Variants in CDH2 observed in about 807,000 individuals in gnomAD.
The protein encoded by CDH2 is cadherin 2.
CDH2 carries 17 observed loss-of-function variants against 92.0 expected under a neutral mutation model. The observed-to-expected ratio is 0.18, with a 90% CI of 0.13 to 0.28. The LOEUF is 0.28. CDH2 is among the 10% of genes least tolerant of loss of function. CDH2 has a pLI of 1.00. For missense variants in CDH2, 862 were observed against 1,133.1 expected, an observed-to-expected ratio of 0.76 and a Z score of 3.44; for synonymous variants, 419 against 415.9, an observed-to-expected ratio of 1.01 and a Z score of -0.09.
intron 5 of CDH2, among the ~76,000 whole-genome samples, chr18:28,007,629 T>C (rs144586398): frequency 4.6e-5 from 7 of 152,362 alleles, no homozygotes; most frequent in African/African-American, 1.7e-4. Context: ...AGATTCTTAA[T>C]ACTAAAACAA....
At chr18:28,127,032 G>A (rs1420265262) in intron 2 of CDH2, among the ~76,000 whole-genome samples, 1 of 152,088 alleles carries the variant, frequency 6.6e-6, no homozygotes, top group African/African-American at 2.4e-5. Context: ...CCAGGCAGGT[G>A]GACTTCCTCC....
chr18:28,171,802 A>G (rs541513611), intron 1 of CDH2, among the ~76,000 whole-genome samples: 1 of 152,214 alleles, frequency 6.6e-6, no homozygotes, highest in South Asian at 2.1e-4. Context: ...CCAAGATTTT[A>G]TTGTTGAGGA....
chr18:28,044,999 T>C (rs528424227), intron 2 of CDH2, among the ~76,000 whole-genome samples: 3 of 152,206 alleles, frequency 2.0e-5, no homozygotes, highest in South Asian at 2.1e-4. Context: ...TAGATCTAAG[T>C]AGCTACATGA....
intron 7 of CDH2, among the ~76,000 whole-genome samples, chr18:28,001,394 A>T (rs988725131): frequency 6.6e-6 from 1 of 152,246 alleles, no homozygotes; most frequent in African/African-American, 2.4e-5. Context: ...TCTGTATCTC[A>T]CAATGACAAT....
intron 1 of CDH2, among the ~76,000 whole-genome samples, chr18:28,160,410 T>G (rs142666967): frequency 1.2e-4 from 18 of 152,142 alleles, no homozygotes; most frequent in African/African-American, 4.3e-4. Flanking sequence ...CAACATCTAC[T>G]GCCTAAAGAC....
intron 5 of CDH2, among the ~76,000 whole-genome samples, chr18:28,006,802 G>T (rs1331859356): frequency 2.0e-5 from 3 of 151,194 alleles, no homozygotes; most frequent in African/African-American, 7.3e-5. Context: ...AGAAAGAAGT[G>T]TACATAGGAA....
chr18:28,108,904 G>C (rs2015365723), intron 2 of CDH2, among the ~76,000 whole-genome samples: 1 of 152,002 alleles, frequency 6.6e-6, no homozygotes, highest in Non-Finnish European at 1.5e-5. Flanking sequence ...CCATTTACCT[G>C]GCAAATCATG....
intron 2 of CDH2, among the ~76,000 whole-genome samples, chr18:28,018,803 C>G (rs1334497004): frequency 6.6e-6 from 1 of 151,364 alleles, no homozygotes; most frequent in Non-Finnish European, 1.5e-5. Context: ...TGTGATCCAG[C>G]AAATCCACTT....
chr18:28,004,990 G>A (rs1464340149), intron 6 of CDH2, among the ~76,000 whole-genome samples: 1 of 152,176 alleles, frequency 6.6e-6, no homozygotes, highest in Non-Finnish European at 1.5e-5. Flanking sequence ...GTATTATGCA[G>A]CACAATTTTA....
chr18:27,935,453 C>T (rs528180953), intron 6 of CDH2, among the ~76,000 whole-genome samples: 1 of 152,310 alleles, frequency 6.6e-6, no homozygotes, highest in South Asian at 2.1e-4. Context: ...AAACCACCCT[C>T]ATGATACAAT....
intron 15 of CDH2, among the ~76,000 whole-genome samples, chr18:27,960,404 A>AT (rs2011370428): frequency 6.6e-6 from 1 of 152,228 alleles, no homozygotes. Context: ...CACCAGCATG[A>AT]AATTGTAAGC....
rs137866630 is a variant in CDH2, at chr18:28,113,622, T to C, written c.172+34051A>G. On this transcript the variant is annotated intron_variant, in intron 2 of 15. Coordinates refer to ENST00000269141, the MANE Select transcript of CDH2 (RefSeq NM_001792.5). ...TGGATTTAGATAGCTTCATAGCTGA[T>C]GAGATGGGACCAAAACATTTCTACT... Among the ~76,000 whole-genome samples, 180 of 152,260 alleles carry C rather than the reference T, an allele frequency of 1.2e-3. 1 individual carries two copies. The highest frequency in any genetic ancestry group is 5.1e-3 in the Admixed American group (78 of 15,282).
At chr18:28,077,856 A>T (rs2014751731) in intron 2 of CDH2, among the ~76,000 whole-genome samples, 2 of 134,816 alleles carry the variant, frequency 1.5e-5, no homozygotes, top group South Asian at 4.8e-4. Flanking sequence ...GCGTCACTGC[A>T]CTCCAGCCTG....
chr18:27,949,481 T>G (rs532889972), downstream of CDH2, among the ~76,000 whole-genome samples: 1 of 152,076 alleles, frequency 6.6e-6, no homozygotes, highest in Admixed American at 6.6e-5. Context: ...TCAATAAAAC[T>G]ATTATGTTCA....
At chr18:27,960,019 AACACACACACACACAC>A (rs5823570) in intron 15 of CDH2, among the ~76,000 whole-genome samples, 1 of 149,502 alleles carries the variant, frequency 6.7e-6, no homozygotes, top group Non-Finnish European at 1.5e-5. Context: ...TGTCTCTTAA[AACACACACACACACAC>A]ACACACACAC....
chr18:28,170,544 A>C (rs1568025886), intron 1 of CDH2, among the ~76,000 whole-genome samples: 1 of 152,024 alleles, frequency 6.6e-6, no homozygotes, highest in Non-Finnish European at 1.5e-5. Context: ...ACAGGGTTTC[A>C]CCGTGTTAGG....
chr18:28,167,630 G>C (rs1258388572), intron 1 of CDH2, among the ~76,000 whole-genome samples: 1 of 152,130 alleles, frequency 6.6e-6, no homozygotes, highest in African/African-American at 2.4e-5. Flanking sequence ...AAATTGGAAG[G>C]AGGTACTGGT....
At chr18:28,072,614 T>C (rs1479336083) in intron 2 of CDH2, among the ~76,000 whole-genome samples, 2 of 152,214 alleles carry the variant, frequency 1.3e-5, no homozygotes, top group Non-Finnish European at 2.9e-5. Flanking sequence ...GGTTAGAACA[T>C]CATGTCCAAA....
At chr18:28,012,989 T>C (rs1367417250) in intron 3 of CDH2, among the ~76,000 whole-genome samples, 3 of 152,196 alleles carry the variant, frequency 2.0e-5, no homozygotes, top group Non-Finnish European at 2.9e-5. Context: ...CCATCATATT[T>C]GTTTTGAATT....
Sources: gnomAD v4.1 joint callset for allele counts (sites outside exome capture counted in the v4.1 genomes callset) on GRCh38, gnomAD v4.1.1 for gene constraint, MANE v1.5 for transcripts, NCBI Gene and HGNC (gene_info 2026-07-23, HGNC 2026-07-21) for gene names.